ADA2: variants seen among roughly 807,000 people sequenced by gnomAD.
ADA2 encodes adenosine deaminase CECR1.
ADA2 carries 29 observed loss-of-function variants against 44.2 expected under a neutral mutation model. The ratio of observed to expected loss-of-function variants is 0.66; its 90% CI spans 0.49 to 0.89. The LOEUF (loss-of-function observed/expected upper bound fraction) is 0.89. Ranked by LOEUF, ADA2 falls within the 40% of genes least tolerant of loss-of-function variation. ADA2 has a pLI of 0.00. For missense variants in ADA2, 637 were observed against 644.8 expected (o/e 0.99, Z 0.13); for synonymous variants, 215 against 234.9 (o/e 0.92, Z 0.77).
chr22:17,199,835 T>C, intron 4 of ADA2: 2 of 1,151,456 alleles, frequency 1.7e-6, no homozygotes, highest in African/African-American at 2.5e-5. Context: ...TCCTAGTACT[T>C]TGGGAGGCCG....
In ADA2 at chr22:17,205,025, CT is replaced by C. The variant is rs563247399; in HGVS notation, c.543-1253del. On this transcript the variant is annotated intron_variant, in intron 3 of 9. Transcript: ENST00000399837. ...TGCCCAGACTGGTCTTTCTTTCTTT[CT>C]TTTTTTTTTTAAACAGAATCTTGCT... Among the ~76,000 whole-genome samples, 60 of 141,446 alleles carry C rather than the reference CT, an allele frequency of 4.2e-4. 1 individual carries two copies. The highest frequency in any genetic ancestry group is 9.0e-4 in the South Asian group (4 of 4,430). 92.8% of individuals were successfully genotyped at this position (141,446 alleles called of 152,430 possible).
rs527293756 is a variant in ADA2 at position 17,205,668 on chromosome 22, G to A, written c.542+1403C>T. On this transcript the variant is annotated intron_variant, in intron 3 of 9. Transcript: ENST00000399837. ...AGACATTTCTGTGACCAAATTAATT[G>A]TCACTTATAATATTACTATACAATG... Among the ~76,000 whole-genome samples the A allele has an allele frequency of 5.9e-5, 9 of 152,308 alleles. No individual in the cohort carries two copies. In the South Asian group the frequency reaches 1.9e-3, roughly 32 times the overall value.
intron 9 of ADA2, 99 bp from the exon 10 acceptor site, chr22:17,181,675 C>T (rs1369092006): frequency 6.4e-6 from 7 of 1,091,420 alleles, no homozygotes; most frequent in Non-Finnish European, 9.9e-6. Flanking sequence ...AGCACTCTCC[C>T]CAGGCCAGCA....
Position 17,203,572 on chromosome 22 carries a change from C to T in ADA2, c.744G>A (p.Arg248=). 2 of 1,612,112 alleles carry T rather than the reference C, an allele frequency of 1.2e-6. No individual in the cohort carries two copies. The highest frequency in any genetic ancestry group is 1.7e-6 in the Non-Finnish European group (2 of 1,179,668). The stretch of plus-strand genomic sequence containing the variant: ...GGAGAGCTGGGCTCACCGGCAGCAG[C>T]CTGGCTCTGATCTCCATGTAGAGCA... ...DNVLYMEIRA[R]LLPVYELSGE... Residue 248 remains arginine (R), a synonymous_variant, in exon 4 of 10, where the codon AGG becomes AGA. Coordinates refer to ENST00000399837, the MANE Select transcript of ADA2 (RefSeq NM_001282225.2).
At chr22:17,196,005 C>T (rs1601443289) in intron 4 of ADA2, among the ~76,000 whole-genome samples, 1 of 151,876 alleles carries the variant, frequency 6.6e-6, no homozygotes, top group Non-Finnish European at 1.5e-5. Context: ...CCTCAGCCTC[C>T]CAAAGCGCTG....
At chr22:17,200,036 A>G (rs5994196) in intron 4 of ADA2, among the ~76,000 whole-genome samples, 3,514 of 152,244 alleles carry the variant, frequency 0.023, 112 homozygotes, top group African/African-American at 0.08. Context: ...CTCTTCTAAA[A>G]ATACAAAAAT....
At position 17,191,792 on chromosome 22, in the gene ADA2, C is replaced by A; in HGVS notation, c.772G>T (p.Glu258Ter). The change falls in exon 5 of 10, where the codon GAG becomes TAG. Residue 258 changes from glutamate (E) to a stop codon, truncating the protein, a stop_gained. Coordinates refer to ENST00000399837, the MANE Select transcript of ADA2 (RefSeq NM_001282225.2). LOFTEE classifies it high-confidence loss of function. The stretch of plus-strand genomic sequence containing the variant: ...ACTGACCACTCTTCGTCATGGTGCT[C>A]TCCACTGAGCTCATACACCTGGGAA... ...RLLPVYELSGEHHDEEWSVKT... is the reference protein window; with the variant it reads ...RLLPVYELSG 1 of 1,613,434 alleles carries A rather than the reference C, an allele frequency of 6.2e-7. No homozygotes were observed.
At chr22:17,188,862 G>GAAAAAAAAAAAAAAAAAAAAAAA in intron 6 of ADA2, 1 of 11,452 alleles carries the variant, frequency 8.7e-5, no homozygotes, top group Non-Finnish European at 2.6e-4. Context: ...CTGGCCAAGA[G>GAAAAAAAAAAAAAAAAAAAAAAA]CAAAAAATAT....
intron 4 of ADA2, among the ~76,000 whole-genome samples, chr22:17,195,241 G>A (rs895198762): frequency 2.0e-5 from 3 of 152,170 alleles, no homozygotes; most frequent in Non-Finnish European, 2.9e-5. Context: ...TTCTTAGGCC[G>A]GGTGTGATGG....
chr22:17,195,804 A>G (rs1601443001), intron 4 of ADA2, among the ~76,000 whole-genome samples: 1 of 141,762 alleles, frequency 7.1e-6, no homozygotes, highest in Non-Finnish European at 1.5e-5. Flanking sequence ...TCTGTCACCC[A>G]GGCTGGAGTG....
At position 17,181,448 on chromosome 22, in the gene ADA2, A is replaced by G. The variant is rs2061967288; in HGVS notation, c.*35T>C. 3 of 1,380,730 alleles carry G rather than the reference A, an allele frequency of 2.2e-6. No homozygotes were observed. Among genetic ancestry groups the G allele is most frequent in the Non-Finnish European group, 3.1e-6 (3 of 966,996 alleles). 85.5% of individuals were successfully genotyped at this position (1,380,730 alleles called of 1,614,324 possible). A position where few individuals can be genotyped will look rare whatever the true frequency, so the allele number is the denominator to read the frequency against. ...GTGAGAGGAAGTGACAGCGTGTGCA[A>G]GAAGACAGCTTGTAGAGGGCTGGCT... On this transcript the variant is annotated 3_prime_UTR_variant, in exon 10 of 10. Coordinates refer to ENST00000399837, the MANE Select transcript of ADA2 (RefSeq NM_001282225.2).
intron 1 of ADA2, among the ~76,000 whole-genome samples, chr22:17,218,928 A>G (rs1971009): frequency 0.42 from 63,258 of 152,044 alleles, 13,800 homozygotes; most frequent in East Asian, 0.77. Flanking sequence ...AGGCCGAGGC[A>G]GGCAGATCAC....
At chr22:17,200,122 G>A (rs1226213934) in intron 4 of ADA2, among the ~76,000 whole-genome samples, 2 of 152,112 alleles carry the variant, frequency 1.3e-5, no homozygotes, top group African/African-American at 4.8e-5. Context: ...TTGAATCCGG[G>A]AGGCGGAGGT....
chr22:17,211,670 C>T (rs1447023329), intron 1 of ADA2, among the ~76,000 whole-genome samples: 1 of 152,176 alleles, frequency 6.6e-6, no homozygotes, highest in African/African-American at 2.4e-5. Context: ...TGGCTCACCC[C>T]TGTAATCCCA....
intron 3 of ADA2, among the ~76,000 whole-genome samples, chr22:17,205,025 C>T (rs113561848): frequency 0.011 from 1,563 of 141,588 alleles, 28 homozygotes; most frequent in African/African-American, 0.037. Context: ...TTCTTTCTTT[C>T]TTTTTTTTTT....
chr22:17,207,260 A>G lies in ADA2; in HGVS notation c.353T>C (p.Ile118Thr). 6.2e-7 allele frequency: 1 copy of G among 1,610,216 alleles called. No individual in the cohort carries two copies. Among genetic ancestry groups the G allele is most frequent in the Non-Finnish European group, 8.5e-7 (1 of 1,176,836 alleles). Reference sequence around the variant, plus strand: ...CCTCACCAGCCAGTCCATAGTCACGATGCCAATGTCATGGAGGTGCAAGGC... The same window carrying G: ...CCTCACCAGCCAGTCCATAGTCACGGTGCCAATGTCATGGAGGTGCAAGGC... ...GAALHLHDIG[I>T]VTMDWLVRNV... The change falls in exon 3 of 10, where the codon ATC becomes ACC. Residue 118 changes from isoleucine to threonine, a missense_variant. Physicochemically the swap from Ile to Thr is moderately conservative, Grantham distance 89 (BLOSUM62 -1). Coordinates refer to ENST00000399837, the MANE Select transcript of ADA2 (RefSeq NM_001282225.2).
Position 17,213,890 on chromosome 22 carries a change from T to G in ADA2, c.-46-4167A>C, listed in dbSNP as rs9619015. 952 of 296,050 alleles carry G rather than the reference T, an allele frequency of 3.2e-3. 5 individuals carry two copies. Among genetic ancestry groups the G allele is most frequent in the African/African-American group, 0.02 (902 of 44,390 alleles). The allele number at this position is 296,050 out of a possible 1,614,324, so 18.3% of individuals were successfully genotyped here. A position where few individuals can be genotyped will look rare whatever the true frequency, so the allele number is the denominator to read the frequency against. ...CCGTCTCTATTAAAAATACAAAAAA[T>G]TAGCTGGGCGTGGTGGTGTGTGCCT... On this transcript the variant is annotated intron_variant, in intron 1 of 9. Transcript: ENST00000399837.
At chr22:17,187,306 C>A (rs2062047133) in intron 7 of ADA2, among the ~76,000 whole-genome samples, 1 of 152,168 alleles carries the variant, frequency 6.6e-6, no homozygotes, top group African/African-American at 2.4e-5. Context: ...AGATGTGAGC[C>A]ACTGTACCTG....
Position 17,188,368 on chromosome 22 carries a change from A to T in ADA2, c.1052T>A (p.Leu351Gln). The change falls in exon 7 of 10, where the codon CTG becomes CAG. Residue 351 changes from leucine (L) to glutamine (Q), a missense_variant. Coordinates refer to ENST00000399837, the MANE Select transcript of ADA2 (RefSeq NM_001282225.2). ...LMIPAKDGVK[L>Q]PYFFHAGETD... is the part of the protein sequence containing the mutation. ...TTCTCCGGCGTGGAAGAAGTAAGGC[A>T]GCTTAACGCCATCCTTGGCGGGGAT... 3.1e-6 allele frequency: 5 copies of T among 1,614,046 alleles called. No individual in the cohort carries two copies. Among genetic ancestry groups the T allele is most frequent in the Non-Finnish European group, 3.4e-6 (4 of 1,179,936 alleles).
Sources: gnomAD v4.1 joint callset for allele counts (sites outside exome capture counted in the v4.1 genomes callset) on GRCh38, gnomAD v4.1.1 for gene constraint, MANE v1.5 for transcripts, NCBI Gene and HGNC (gene_info 2026-07-23, HGNC 2026-07-21) for gene names.